Variants in CMKLR1 observed in about 807,000 individuals in gnomAD.
CMKLR1 encodes chemerin chemokine-like receptor 1.
Under a neutral mutation model 8.2 loss-of-function variants are expected in CMKLR1, and 6 were observed. The ratio of observed to expected loss-of-function variants is 0.73; its 90% CI spans 0.40 to 1.44. The LOEUF (loss-of-function observed/expected upper bound fraction) is 1.44, where lower values mean the gene tolerates loss of function less well. Among genes scored for constraint, CMKLR1 ranks in the 40% most tolerant of loss-of-function variants. CMKLR1 has a pLI of 0.02. For synonymous variants in CMKLR1, 178 were observed against 181.2 expected (o/e 0.98, Z 0.14); for missense variants, 429 against 478.0 (o/e 0.90, Z 0.96).
chr12:108,301,071 C>CT (rs11303250), intron 2 of CMKLR1, among the ~76,000 whole-genome samples: 1,760 of 90,266 alleles, frequency 0.019, 17 homozygotes, highest in Non-Finnish European at 0.021. Context: ...CCACCCAAGT[C>CT]TTTTTTTTTT....
chr12:108,336,634 T>C (rs1391861676), intron 1 of CMKLR1, among the ~76,000 whole-genome samples: 1 of 152,184 alleles, frequency 6.6e-6, no homozygotes, highest in Non-Finnish European at 1.5e-5. Context: ...GTCTACTTCA[T>C]AGCCTCGCAA....
intron 2 of CMKLR1, among the ~76,000 whole-genome samples, chr12:108,293,926 C>T (rs1476347687): frequency 6.6e-6 from 1 of 152,132 alleles, no homozygotes; most frequent in Non-Finnish European, 1.5e-5. Context: ...CCAGCACATC[C>T]CTAGCTGACA....
chr12:108,307,728 C>G (rs1891445460), intron 2 of CMKLR1, among the ~76,000 whole-genome samples: 2 of 152,244 alleles, frequency 1.3e-5, no homozygotes, highest in Admixed American at 1.3e-4. Flanking sequence ...TCACTTTATT[C>G]AAGTCCCTCA....
In CMKLR1 at chr12:108,291,528, C is replaced by T. The variant is rs1890964124; in HGVS notation, c.*313G>A. ...GGCACACACAATAGGCAGCTTAATCCCACCGCCCTATGCCAATCCCAGTTC... is the reference window on the plus strand; with the variant it reads ...GGCACACACAATAGGCAGCTTAATCTCACCGCCCTATGCCAATCCCAGTTC... On this transcript the variant is annotated 3_prime_UTR_variant, in exon 4 of 4. Coordinates refer to ENST00000550402, the MANE Select transcript of CMKLR1 (RefSeq NM_001142343.2). 1 of 321,338 alleles carries T rather than the reference C, an allele frequency of 3.1e-6. No individual in the cohort carries two copies. Among genetic ancestry groups the T allele is most frequent in the East Asian group, 7.3e-5 (1 of 13,722 alleles). 19.9% of individuals were successfully genotyped at this position (321,338 alleles called of 1,614,324 possible).
chr12:108,309,636 A>G (rs1891499761), intron 2 of CMKLR1, among the ~76,000 whole-genome samples: 1 of 152,190 alleles, frequency 6.6e-6, no homozygotes, highest in African/African-American at 2.4e-5. Flanking sequence ...CATGCAGAGA[A>G]AGTGGTTGCA....
chr12:108,333,369 ACCAGCAGAGC>A (rs1309861427), intron 1 of CMKLR1, among the ~76,000 whole-genome samples: 5 of 152,170 alleles, frequency 3.3e-5, no homozygotes, highest in Non-Finnish European at 7.3e-5. Flanking sequence ...GGCACTCTCC[ACCAGCAGAGC>A]CCAAGACCTC....
At chr12:108,320,359 G>T (rs1328841603) in intron 2 of CMKLR1, among the ~76,000 whole-genome samples, 1 of 152,064 alleles carries the variant, frequency 6.6e-6, no homozygotes, top group East Asian at 1.9e-4. Flanking sequence ...CCCTCCCCAA[G>T]CCCTGGGAGG....
chr12:108,324,869 C>T (rs1033529082), intron 2 of CMKLR1, among the ~76,000 whole-genome samples: 1 of 150,916 alleles, frequency 6.6e-6, no homozygotes, highest in African/African-American at 2.4e-5. Context: ...CTCCCACAGC[C>T]TCCAGTCTGA....
chr12:108,318,968 C>T (rs1408541698), intron 2 of CMKLR1, among the ~76,000 whole-genome samples: 2 of 152,250 alleles, frequency 1.3e-5, no homozygotes, highest in East Asian at 1.9e-4. Flanking sequence ...ATGCCTTATG[C>T]AGAGCAAATC....
At chr12:108,336,012 A>G (rs1050225973) in intron 1 of CMKLR1, among the ~76,000 whole-genome samples, 4 of 152,230 alleles carry the variant, frequency 2.6e-5, no homozygotes, top group Non-Finnish European at 5.9e-5. Context: ...GACACGGAAC[A>G]TGTGGATTCA....
rs568029029 is a variant in CMKLR1 at position 108,291,726 on chromosome 12, C to A, written c.*115G>T. ...AGCATAAAACACTGTTCATCCCATG[C>A]AAAATGCAGTGAAAATTGGTGGATG... On this transcript the variant is annotated 3_prime_UTR_variant, in exon 4 of 4. Transcript: ENST00000550402. 144 of 1,065,628 alleles carry A rather than the reference C, an allele frequency of 1.4e-4. 1 individual carries two copies. In the Middle Eastern group the frequency reaches 1.6e-3, roughly 12 times the overall value. 66.0% of individuals were successfully genotyped at this position (1,065,628 alleles called of 1,614,324 possible).
intron 2 of CMKLR1, among the ~76,000 whole-genome samples, chr12:108,298,153 C>G (rs1891183374): frequency 6.6e-6 from 1 of 152,190 alleles, no homozygotes; most frequent in Non-Finnish European, 1.5e-5. Context: ...GTTTGTTGGT[C>G]AAAGGCACAA....
Position 108,289,774 on chromosome 12 carries a change from A to G in CMKLR1, c.*2067T>C, listed in dbSNP as rs1890909666. On this transcript the variant is annotated 3_prime_UTR_variant, in exon 4 of 4. Transcript: ENST00000550402. ...ATTCAGAGGCTCCAGCTTGGGATCA[A>G]TTCAGAGCTGCCTTGTCATAAGCAT... 1 of 152,284 alleles carries G rather than the reference A, an allele frequency of 6.6e-6. No homozygotes were observed. The highest frequency in any genetic ancestry group is 2.1e-4 in the South Asian group (1 of 4,830). The allele number at this position is 152,284 out of a possible 1,614,324, so 9.4% of individuals were successfully genotyped here.
chr12:108,328,387 C>T (rs765005974), intron 2 of CMKLR1, among the ~76,000 whole-genome samples: 8 of 152,190 alleles, frequency 5.3e-5, no homozygotes, highest in Admixed American at 1.3e-4. Flanking sequence ...GCCCCAACTC[C>T]GGGCCACACG....
At chr12:108,304,095 C>T (rs923102552) in intron 2 of CMKLR1, among the ~76,000 whole-genome samples, 3 of 152,178 alleles carry the variant, frequency 2.0e-5, no homozygotes, top group African/African-American at 4.8e-5. Flanking sequence ...GTTGGTTGAT[C>T]GATGACAGTG....
intron 1 of CMKLR1, among the ~76,000 whole-genome samples, chr12:108,337,146 T>C (rs1042217368): frequency 4.6e-5 from 7 of 152,214 alleles, no homozygotes; most frequent in Non-Finnish European, 8.8e-5. Flanking sequence ...TGCCCCTTCT[T>C]GCACAATGTT....
intron 2 of CMKLR1, among the ~76,000 whole-genome samples, chr12:108,310,852 A>G (rs1172286621): frequency 1.3e-5 from 2 of 152,098 alleles, no homozygotes; most frequent in Non-Finnish European, 2.9e-5. Context: ...GTAGGCAGAG[A>G]CAGGAGGGAG....
chr12:108,328,879 C>T (rs1221463117), intron 2 of CMKLR1, among the ~76,000 whole-genome samples: 1 of 152,214 alleles, frequency 6.6e-6, no homozygotes, highest in African/African-American at 2.4e-5. Flanking sequence ...CATCTTATAT[C>T]AGCTCTCCTT....
chr12:108,310,895 C>T (rs1337167451), intron 2 of CMKLR1, among the ~76,000 whole-genome samples: 2 of 152,142 alleles, frequency 1.3e-5, no homozygotes, highest in Non-Finnish European at 2.9e-5. Context: ...ACCTGCAGCT[C>T]ACCAGGGAGG....
Sources: gnomAD v4.1 joint callset for allele counts (sites outside exome capture counted in the v4.1 genomes callset) on GRCh38, gnomAD v4.1.1 for gene constraint, MANE v1.5 for transcripts, NCBI Gene and HGNC (gene_info 2026-07-23, HGNC 2026-07-21) for gene names.